LTBP1: variants seen among roughly 807,000 people sequenced by gnomAD.
LTBP1 encodes the protein latent transforming growth factor beta binding protein 1, also known as latent-transforming growth factor beta-binding protein 1.
LTBP1 carries 129 observed loss-of-function variants against 207.6 expected under a neutral mutation model. The observed-to-expected ratio is 0.62, with a 90% CI of 0.54 to 0.72. The LOEUF is 0.72. Among genes scored for constraint, LTBP1 ranks in the 30% least tolerant of loss-of-function variants. LTBP1 has a pLI of 0.00. For missense variants in LTBP1, 2,281 were observed against 2,217.2 expected (o/e 1.03, Z -0.58); for synonymous variants, 963 against 833.7 (o/e 1.16, Z -2.67).
chr2:33,334,545 A>T (rs2094533164), intron 24 of LTBP1, among the ~76,000 whole-genome samples: 1 of 152,220 alleles, frequency 6.6e-6, no homozygotes, highest in African/African-American at 2.4e-5. Context: ...CAACCAAAAG[A>T]TAAAATCAGA....
chr2:33,324,332 T>G (rs2094397799), intron 24 of LTBP1, among the ~76,000 whole-genome samples: 1 of 152,028 alleles, frequency 6.6e-6, no homozygotes, highest in Non-Finnish European at 1.5e-5. Flanking sequence ...ATATTATTAC[T>G]ATTAATTCTT....
At chr2:33,141,741 T>C (rs2082658568) in intron 5 of LTBP1, among the ~76,000 whole-genome samples, 1 of 152,230 alleles carries the variant, frequency 6.6e-6, no homozygotes, top group Non-Finnish European at 1.5e-5. Flanking sequence ...GTCATCAGAC[T>C]CTGACCCTGC....
chr2:33,257,379 G>A lies in LTBP1; in HGVS notation c.2263G>A (p.Val755Ile), dbSNP rs1011093518. The change falls in exon 12 of 34, where the codon GTA becomes ATA. Residue 755 changes from valine (V) to isoleucine (I), a missense_variant. Around this residue, in one of 3 missense-constraint regions of LTBP1, gnomAD observed 1,671 missense variants for 1,634.8 expected, o/e 1.02. Transcript: ENST00000404816. ...PIHHHVGKGP[V>I]FVKPKNTQPV... ...CCATCACCATGTAGGTAAAGGACCTGTATTTGTCAAGCCAAAGAACACTCA... is the reference window on the plus strand; with the variant it reads ...CCATCACCATGTAGGTAAAGGACCTATATTTGTCAAGCCAAAGAACACTCA... 2.5e-6 allele frequency: 4 copies of A among 1,614,118 alleles called. No individual in the cohort carries two copies. The highest frequency in any genetic ancestry group is 3.3e-5 in the Admixed American group (2 of 60,014).
At chr2:33,077,541 ATACT>A (rs1209901964) in intron 3 of LTBP1, among the ~76,000 whole-genome samples, 2 of 152,136 alleles carry the variant, frequency 1.3e-5, no homozygotes, top group African/African-American at 4.8e-5. Context: ...GAGGTGTCAC[ATACT>A]TTTAAACAAC....
chr2:33,087,057 G>C (rs1479098136), intron 3 of LTBP1, among the ~76,000 whole-genome samples: 4 of 141,240 alleles, frequency 2.8e-5, no homozygotes, highest in East Asian at 2.2e-4. Flanking sequence ...TCTGGACACA[G>C]AAGCACCAGG....
At chr2:33,170,729 A>AC (rs970498947) in intron 5 of LTBP1, among the ~76,000 whole-genome samples, 2 of 144,708 alleles carry the variant, frequency 1.4e-5, no homozygotes. Flanking sequence ...CTGACCCCTG[A>AC]CCCCCGAGCA....
chr2:33,259,660 T>G, intron 13 of LTBP1, 50 bp downstream of exon 13: 1 of 1,550,324 alleles, frequency 6.5e-7, no homozygotes. Context: ...CTCAAAGTGA[T>G]TTTCTATTAG....
chr2:33,308,404 G>A (rs2094131541), intron 22 of LTBP1, among the ~76,000 whole-genome samples: 1 of 152,144 alleles, frequency 6.6e-6, no homozygotes, highest in Non-Finnish European at 1.5e-5. Flanking sequence ...TGTTACAGCT[G>A]CTGAATAAGT....
chr2:33,274,786 C>G (rs1052850546), intron 16 of LTBP1, among the ~76,000 whole-genome samples, 179 bp from the exon 17 acceptor site: 1 of 152,168 alleles, frequency 6.6e-6, no homozygotes, highest in Non-Finnish European at 1.5e-5. Flanking sequence ...GGCTGCTTCT[C>G]TCTTCCAGGA....
chr2:33,178,287 A>C (rs2148621652), intron 5 of LTBP1, among the ~76,000 whole-genome samples: 1 of 152,304 alleles, frequency 6.6e-6, no homozygotes, highest in East Asian at 1.9e-4. Flanking sequence ...TGTGAAGTGG[A>C]ATTTTATGAC....
At chr2:33,178,770 A>C (rs12617970) in intron 5 of LTBP1, among the ~76,000 whole-genome samples, 66,688 of 152,068 alleles carry the variant, frequency 0.44, 15,320 homozygotes, top group Non-Finnish European at 0.5. Flanking sequence ...TCTCACCACC[A>C]TGTTGGTTTG....
chr2:33,262,807 A>G lies in LTBP1; in HGVS notation c.2504A>G (p.His835Arg), dbSNP rs763839499. The change falls in exon 14 of 34, where the codon CAT (histidine) becomes CGT (arginine). Residue 835 changes from histidine to arginine, a missense_variant. By Grantham distance (29) the His-to-Arg change is conservative. This residue lies in a region of LTBP1 where 1,671 missense variants were observed against 1,634.8 expected (regional missense o/e 1.02). Transcript: ENST00000404816. ...LSPGISTIHL[H>R]PQFPVVIEKT... ...CCAGGCATTTCCACTATTCATCTGC[A>G]TCCACAGTTTCCAGGTAGCCTGTGT... The G allele has an allele frequency of 3.1e-6, 5 of 1,607,692 alleles. No individual in the cohort carries two copies. The South Asian group carries it at 3.3e-5, about 11-fold the overall frequency.
At chr2:33,086,651 G>A (rs536283173) in intron 3 of LTBP1, among the ~76,000 whole-genome samples, 1 of 152,254 alleles carries the variant, frequency 6.6e-6, no homozygotes, top group Non-Finnish European at 1.5e-5. Context: ...AGCACCGCAC[G>A]GTAGGCTTTC....
chr2:33,046,442 C>G (rs1403862195), intron 3 of LTBP1, among the ~76,000 whole-genome samples: 1 of 152,148 alleles, frequency 6.6e-6, no homozygotes, highest in Non-Finnish European at 1.5e-5. Flanking sequence ...GTTGAACCAG[C>G]CTTGCCTCCC....
intron 3 of LTBP1, among the ~76,000 whole-genome samples, chr2:33,074,028 T>G (rs2077944017): frequency 6.6e-6 from 1 of 152,212 alleles, no homozygotes; most frequent in African/African-American, 2.4e-5. Flanking sequence ...TTTCCATTAG[T>G]TTTGGTTGGC....
chr2:33,134,191 G>A lies in LTBP1; in HGVS notation c.1034-602G>A, dbSNP rs1306826813. ...TCTTATGGAGAAATAGTGCCCTGGA[G>A]TTGTGAAAAAGAAATGGGCTCCCGC... On this transcript the variant is annotated intron_variant, in intron 4 of 33. Coordinates refer to ENST00000404816, the MANE Select transcript of LTBP1 (RefSeq NM_206943.4). The surrounding 1 kb of genome is among the most constrained non-coding windows in gnomAD (Gnocchi z 4.4). Among the ~76,000 whole-genome samples, 17 of 152,228 alleles carry A rather than the reference G, an allele frequency of 1.1e-4. No individual in the cohort carries two copies. Among genetic ancestry groups the A allele is most frequent in the Admixed American group, 1.1e-3 (17 of 15,290 alleles).
At chr2:33,221,126 A>G (rs1420193974) in intron 8 of LTBP1, among the ~76,000 whole-genome samples, 1 of 152,150 alleles carries the variant, frequency 6.6e-6, no homozygotes, top group Non-Finnish European at 1.5e-5. Flanking sequence ...TAGCCTCTTA[A>G]TAGAAGAATT....
chr2:33,040,190 T>A (rs1401732280), intron 3 of LTBP1, among the ~76,000 whole-genome samples: 1 of 152,090 alleles, frequency 6.6e-6, no homozygotes, highest in Non-Finnish European at 1.5e-5. Context: ...TAATCAGTAG[T>A]TAGTGAGATC....
chr2:33,383,556 C>CT (rs1323346892), intron 31 of LTBP1, among the ~76,000 whole-genome samples: 2 of 152,014 alleles, frequency 1.3e-5, no homozygotes, highest in Non-Finnish European at 2.9e-5. Flanking sequence ...TTCTTTTTCT[C>CT]TTTTTTTTCT....
Sources: allele counts gnomAD v4.1 joint callset (sites outside exome capture counted in the v4.1 genomes callset), GRCh38; gene constraint gnomAD v4.1.1; regional missense constraint gnomAD v4.1.1; non-coding constraint Gnocchi (gnomAD v3.1); transcripts MANE v1.5; gene names NCBI Gene and HGNC (gene_info 2026-07-23, HGNC 2026-07-21).